Variants in PLCB1 observed in about 807,000 individuals in gnomAD.
PLCB1 encodes phospholipase C beta 1, also known as 1-phosphatidylinositol 4,5-bisphosphate phosphodiesterase beta-1.
PLCB1 carries 46 observed loss-of-function variants against 161.8 expected under a neutral mutation model. The observed-to-expected ratio is 0.28, with a 90% CI of 0.22 to 0.36. The LOEUF is 0.36. Ranked by LOEUF, PLCB1 falls within the 10% of genes least tolerant of loss-of-function variation. The pLI, the probability that PLCB1 is intolerant of heterozygous loss-of-function variation, is 1.00. For synonymous variants in PLCB1, 517 were observed against 503.7 expected (o/e 1.03, Z -0.35); for missense variants, 1,016 against 1,472.5 (o/e 0.69, Z 5.07).
At chr20:8,541,195 C>T (rs1054405362) in intron 3 of PLCB1, among the ~76,000 whole-genome samples, 2 of 152,138 alleles carry the variant, frequency 1.3e-5, no homozygotes, top group African/African-American at 4.8e-5. Context: ...CCAACCCCAC[C>T]TGGGTTGGTA....
rs41275588 is a variant in PLCB1 at position 8,788,646 on chromosome 20, T to C, written c.3202T>C (p.Leu1068=). Residue 1068 remains leucine (L), a synonymous_variant, in exon 29 of 32, where the codon TTA becomes CTA. Coordinates refer to ENST00000338037, the MANE Select transcript of PLCB1 (RefSeq NM_015192.4). The part of the protein sequence containing the change: ...KEICEKEKKE[L]KKKMDKKRQE... Reference sequence around the variant, plus strand: ...TTGTGACTTCAGAGAAAAGAAAGAATTAAAGAAGAAAATGGATAAAAAGAG... The same window carrying C: ...TTGTGACTTCAGAGAAAAGAAAGAACTAAAGAAGAAAATGGATAAAAAGAG... 9,242 of 1,608,698 alleles carry C rather than the reference T, an allele frequency of 5.7e-3. 411 individuals are homozygous for C. The African/African-American group carries it at 0.11, about 18-fold the overall frequency.
At chr20:8,542,159 T>C (rs1420522131) in intron 3 of PLCB1, among the ~76,000 whole-genome samples, 1 of 152,170 alleles carries the variant, frequency 6.6e-6, no homozygotes, top group African/African-American at 2.4e-5. Flanking sequence ...CAGAAGTGAG[T>C]GGTCCCTGAA....
intron 3 of PLCB1, among the ~76,000 whole-genome samples, chr20:8,610,784 C>T (rs1349520046): frequency 6.6e-6 from 1 of 152,048 alleles, no homozygotes; most frequent in South Asian, 2.1e-4. Context: ...ATTGCCTAAC[C>T]CAAGATCTCA....
At chr20:8,571,859 C>T (rs1355892830) in intron 3 of PLCB1, among the ~76,000 whole-genome samples, 3 of 152,162 alleles carry the variant, frequency 2.0e-5, no homozygotes, top group Admixed American at 6.5e-5. Context: ...GGGCTGATTA[C>T]ATATTTGCTG....
intron 3 of PLCB1, among the ~76,000 whole-genome samples, chr20:8,516,833 A>T (rs73894574): frequency 0.086 from 13,086 of 151,782 alleles, 625 homozygotes; most frequent in Middle Eastern, 0.12. Flanking sequence ...ACTCAACAAG[A>T]AAACCATCCA....
chr20:8,642,401 G>A (rs1017215320), intron 4 of PLCB1, among the ~76,000 whole-genome samples: 5 of 152,144 alleles, frequency 3.3e-5, no homozygotes. Context: ...GACATTAAAT[G>A]CTCAGCAGGA....
intron 1 of PLCB1, among the ~76,000 whole-genome samples, chr20:8,135,291 T>C (rs1226901249): frequency 6.6e-6 from 1 of 152,194 alleles, no homozygotes; most frequent in Non-Finnish European, 1.5e-5. Context: ...ATGATGAATT[T>C]GGGGCTGTTT....
chr20:8,191,774 A>G (rs932410132), intron 2 of PLCB1, among the ~76,000 whole-genome samples: 1 of 152,056 alleles, frequency 6.6e-6, no homozygotes, highest in African/African-American at 2.4e-5. Flanking sequence ...CCAAATACAT[A>G]TTAGATGAGG....
intron 3 of PLCB1, among the ~76,000 whole-genome samples, chr20:8,483,810 T>G (rs1238674348): frequency 6.6e-6 from 1 of 152,178 alleles, no homozygotes; most frequent in African/African-American, 2.4e-5. Context: ...CTTGCTTCAT[T>G]TCATAATGGA....
intron 31 of PLCB1, among the ~76,000 whole-genome samples, chr20:8,794,096 C>G (rs1409126190): frequency 6.6e-6 from 1 of 152,158 alleles, no homozygotes; most frequent in African/African-American, 2.4e-5. Flanking sequence ...CTAAACATTG[C>G]TGTTGTCTTG....
chr20:8,773,226 C>A (rs1982779721), intron 26 of PLCB1, among the ~76,000 whole-genome samples: 1 of 152,184 alleles, frequency 6.6e-6, no homozygotes, highest in South Asian at 2.1e-4. Context: ...GAAACTTTAC[C>A]TGGCCTATCG....
At chr20:8,434,860 G>C (rs1980227771) in intron 3 of PLCB1, among the ~76,000 whole-genome samples, 1 of 152,128 alleles carries the variant, frequency 6.6e-6, no homozygotes, top group Non-Finnish European at 1.5e-5. Flanking sequence ...TTCTAAGGCA[G>C]GGCCTGGTTA....
At chr20:8,238,673 T>TA (rs1271191145) in intron 2 of PLCB1, among the ~76,000 whole-genome samples, 4 of 151,636 alleles carry the variant, frequency 2.6e-5, no homozygotes, top group African/African-American at 7.3e-5. Context: ...TAATTGGTTT[T>TA]AAAAAAAAGA....
intron 3 of PLCB1, among the ~76,000 whole-genome samples, chr20:8,585,535 G>A (rs1986963884): frequency 6.6e-6 from 1 of 152,162 alleles, no homozygotes; most frequent in South Asian, 2.1e-4. Context: ...CCAGTTCCTG[G>A]TCTACCATAT....
chr20:8,812,257 G>A (rs2146253773), intron 31 of PLCB1, among the ~76,000 whole-genome samples: 1 of 152,276 alleles, frequency 6.6e-6, no homozygotes, highest in Non-Finnish European at 1.5e-5. Flanking sequence ...AGCAGGAAAT[G>A]AGACTTTGTA....
intron 12 of PLCB1, among the ~76,000 whole-genome samples, chr20:8,715,229 A>C (rs561003442): frequency 1.3e-5 from 2 of 152,340 alleles, no homozygotes; most frequent in African/African-American, 4.8e-5. Context: ...ATTCCACGAA[A>C]TGAGAAAAAA....
At chr20:8,196,704 A>C (rs1031280802) in intron 2 of PLCB1, among the ~76,000 whole-genome samples, 3 of 151,472 alleles carry the variant, frequency 2.0e-5, no homozygotes, top group African/African-American at 7.3e-5. Context: ...GTTCTAGGGT[A>C]CATGTGCACA....
At chr20:8,673,551 C>T (rs763485143) in intron 9 of PLCB1, among the ~76,000 whole-genome samples, 7 of 152,144 alleles carry the variant, frequency 4.6e-5, no homozygotes, top group Non-Finnish European at 8.8e-5. Flanking sequence ...TTCAGGGTAC[C>T]GTTAGTCAGT....
At chr20:8,781,417 A>AAAC (rs1983226623) in intron 27 of PLCB1, among the ~76,000 whole-genome samples, 19 of 28,074 alleles carry the variant, frequency 6.8e-4, no homozygotes, top group African/African-American at 1.1e-3. Context: ...CACACACACA[A>AAAC]ACACACACAC....
Sources: allele counts gnomAD v4.1 joint callset (sites outside exome capture counted in the v4.1 genomes callset), GRCh38; gene constraint gnomAD v4.1.1; transcripts MANE v1.5; gene names NCBI Gene and HGNC (gene_info 2026-07-23, HGNC 2026-07-21).